The following AKAP6 variants were observed in gnomAD, a reference collection of about 807,000 sequenced individuals.
The protein encoded by AKAP6 is A-kinase anchor protein 6.
A neutral mutation model predicts 188.5 loss-of-function variants in AKAP6; 58 were observed. The observed-to-expected ratio is 0.31, with a 90% CI of 0.25 to 0.38. The LOEUF (loss-of-function observed/expected upper bound fraction) is 0.38. Ranked by LOEUF, AKAP6 falls within the 10% of genes least tolerant of loss-of-function variation. The pLI is 1.00. For synonymous variants in AKAP6, 989 were observed against 998.6 expected (o/e 0.99, Z 0.18); for missense variants, 2,710 against 2,740.0 (o/e 0.99, Z 0.24).
At chr14:32,532,280 T>C (rs1304968458) in intron 2 of AKAP6, among the ~76,000 whole-genome samples, 1 of 152,238 alleles carries the variant, frequency 6.6e-6, no homozygotes, top group African/African-American at 2.4e-5. Context: ...GCCATCATTA[T>C]ATCTACTTTG....
At chr14:32,549,267 A>T (rs1279641734) in intron 4 of AKAP6, among the ~76,000 whole-genome samples, 1 of 152,152 alleles carries the variant, frequency 6.6e-6, no homozygotes, top group Admixed American at 6.5e-5. Context: ...GAATATAAAA[A>T]CTGTGGTATT....
intron 2 of AKAP6, among the ~76,000 whole-genome samples, chr14:32,479,151 C>G (rs115546658): frequency 2.3e-3 from 355 of 152,214 alleles, no homozygotes; most frequent in African/African-American, 8.3e-3. Flanking sequence ...AAAATTACTT[C>G]TATTGTTTTC....
intron 1 of AKAP6, among the ~76,000 whole-genome samples, chr14:32,419,325 A>C (rs911765969): frequency 2.0e-5 from 3 of 152,162 alleles, no homozygotes; most frequent in African/African-American, 4.8e-5. Context: ...CTCTTTTTAC[A>C]TGTCTGGGAG....
intron 11 of AKAP6, among the ~76,000 whole-genome samples, chr14:32,754,052 C>A (rs2032240910): frequency 6.6e-6 from 1 of 151,782 alleles, no homozygotes; most frequent in East Asian, 1.9e-4. Context: ...TTTTCTATTT[C>A]TATAGAAAAA....
intron 12 of AKAP6, among the ~76,000 whole-genome samples, chr14:32,787,222 A>AG (rs561717798): frequency 1.3e-5 from 2 of 152,188 alleles, no homozygotes; most frequent in South Asian, 2.1e-4. Context: ...AATGAAAGAA[A>AG]GGGGGGGAAC....
intron 2 of AKAP6, among the ~76,000 whole-genome samples, chr14:32,520,292 G>A (rs913388792): frequency 2.1e-4 from 32 of 152,086 alleles, no homozygotes; most frequent in African/African-American, 3.1e-4. Context: ...AAGAACTAGA[G>A]AAGCAAGAGC....
chr14:32,603,608 T>C (rs1250430891), intron 7 of AKAP6, among the ~76,000 whole-genome samples: 2 of 152,166 alleles, frequency 1.3e-5, no homozygotes, highest in Non-Finnish European at 2.9e-5. Context: ...ACCTCTATAA[T>C]AGGCACCAAG....
chr14:32,479,611 G>T lies in AKAP6; in HGVS notation c.324+45794G>T, dbSNP rs146251245. Among the ~76,000 whole-genome samples the T allele has an allele frequency of 3.7e-3, 563 of 152,130 alleles. 6 individuals are homozygous for T. Among genetic ancestry groups the T allele is most frequent in the African/African-American group, 0.012 (508 of 41,490 alleles). On this transcript the variant is annotated intron_variant, in intron 2 of 13. Transcript: ENST00000280979. The stretch of plus-strand genomic sequence containing the variant: ...TCTCTACTAAATTAATTACTAAGGG[G>T]TTTTGCTATGGTATGAATGTTTGTG...
At chr14:32,344,814 G>C (rs1019953316) in intron 1 of AKAP6, among the ~76,000 whole-genome samples, 2 of 151,878 alleles carry the variant, frequency 1.3e-5, no homozygotes, top group African/African-American at 4.8e-5. Flanking sequence ...TACTCAGGAG[G>C]CTGAGGCATG....
intron 11 of AKAP6, among the ~76,000 whole-genome samples, chr14:32,762,817 GA>G (rs2032583269): frequency 6.6e-6 from 1 of 151,992 alleles, no homozygotes; most frequent in Non-Finnish European, 1.5e-5. Context: ...GATTCAACTT[GA>G]TTGGTGAGTA....
intron 2 of AKAP6, among the ~76,000 whole-genome samples, chr14:32,529,732 A>G (rs116900875): frequency 0.015 from 2,259 of 152,222 alleles, 24 homozygotes; most frequent in South Asian, 0.056. Flanking sequence ...CTGTTTTTGG[A>G]GAAAGTATGA....
At chr14:32,350,149 C>G (rs951810831) in intron 1 of AKAP6, among the ~76,000 whole-genome samples, 4 of 152,252 alleles carry the variant, frequency 2.6e-5, no homozygotes, top group East Asian at 3.9e-4. Context: ...GACTTAGTGA[C>G]TTGCTCTCAG....
At chr14:32,454,420 C>T (rs3784194) in intron 2 of AKAP6, among the ~76,000 whole-genome samples, 57,644 of 152,070 alleles carry the variant, frequency 0.38, 17,002 homozygotes, top group African/African-American at 0.83. Flanking sequence ...TAGCAAGGCT[C>T]GCAAGGTTTC....
At chr14:32,650,383 C>T (rs554833335) in intron 7 of AKAP6, among the ~76,000 whole-genome samples, 63 of 152,154 alleles carry the variant, frequency 4.1e-4, no homozygotes, top group Admixed American at 2.0e-3. Context: ...GAGGCTGGGG[C>T]GGGCGGATTG....
At chr14:32,399,486 G>A (rs951351332) in intron 1 of AKAP6, among the ~76,000 whole-genome samples, 26 of 152,198 alleles carry the variant, frequency 1.7e-4, no homozygotes, top group South Asian at 4.1e-4. Context: ...TTACAGGAAA[G>A]AATGGGGATA....
chr14:32,719,562 A>G (rs1170845844), intron 9 of AKAP6, among the ~76,000 whole-genome samples: 1 of 152,190 alleles, frequency 6.6e-6, no homozygotes, highest in Non-Finnish European at 1.5e-5. Flanking sequence ...AACAGAGTTA[A>G]CATAAGAAAT....
chr14:32,522,691 C>G (rs1212700648), intron 2 of AKAP6, among the ~76,000 whole-genome samples: 3 of 152,198 alleles, frequency 2.0e-5, no homozygotes, highest in Non-Finnish European at 4.4e-5. Context: ...CAGGAAACAA[C>G]AGGTGCTGGA....
intron 11 of AKAP6, among the ~76,000 whole-genome samples, chr14:32,740,304 T>C (rs149935798): frequency 1.3e-5 from 2 of 152,212 alleles, no homozygotes; most frequent in African/African-American, 4.8e-5. Flanking sequence ...AGTTTGCAAA[T>C]ATTTTCTCCC....
chr14:32,552,843 C>T (rs147368672), intron 4 of AKAP6, among the ~76,000 whole-genome samples: 84 of 152,242 alleles, frequency 5.5e-4, no homozygotes, highest in South Asian at 1.0e-3. Flanking sequence ...GTATGTGGAA[C>T]TCATAGGGAG....
Sources: gnomAD v4.1 joint callset for allele counts (sites outside exome capture counted in the v4.1 genomes callset) on GRCh38, gnomAD v4.1.1 for gene constraint, MANE v1.5 for transcripts, NCBI Gene and HGNC (gene_info 2026-07-23, HGNC 2026-07-21) for gene names.